BRINP1: variants seen among roughly 807,000 people sequenced by gnomAD.
The protein encoded by BRINP1 is BMP/retinoic acid inducible neural specific 1, also known as BMP/retinoic acid-inducible neural-specific protein 1.
A neutral mutation model predicts 72.9 loss-of-function variants in BRINP1; 17 were observed. That is an observed-to-expected ratio of 0.23 (90% confidence interval 0.16 to 0.35). The LOEUF (loss-of-function observed/expected upper bound fraction) is 0.35. Among genes scored for constraint, BRINP1 ranks in the 10% least tolerant of loss-of-function variants. The probability of loss-of-function intolerance (pLI) is 1.00; values close to 1 mark genes in which losing one functional copy is unlikely to be tolerated. For synonymous variants in BRINP1, 418 were observed against 378.5 expected, an observed-to-expected ratio of 1.10 and a Z score of -1.21; for missense variants, 850 against 1,001.6, an observed-to-expected ratio of 0.85 and a Z score of 2.04.
intron 5 of BRINP1, among the ~76,000 whole-genome samples, chr9:119,233,027 T>TC (rs1830162146): frequency 6.6e-6 from 1 of 151,876 alleles, no homozygotes; most frequent in Non-Finnish European, 1.5e-5. Flanking sequence ...TCTTTCTTTT[T>TC]TTTTTTCTAT....
intron 7 of BRINP1, among the ~76,000 whole-genome samples, chr9:119,184,129 A>C (rs779597378): frequency 5.3e-5 from 8 of 152,214 alleles, no homozygotes; most frequent in Non-Finnish European, 1.2e-4. Flanking sequence ...AAGGAACTGG[A>C]GATGCTTATT....
chr9:119,167,151 T>C lies in BRINP1; in HGVS notation c.2219A>G (p.His740Arg). The C allele has an allele frequency of 6.2e-7, 1 of 1,614,134 alleles. No homozygotes were observed. The highest frequency in any genetic ancestry group is 1.1e-5 in the South Asian group (1 of 91,082). ...CTCCGTGTTGTACAGGTCCAAGGCG[T>C]GGTTCACCCTGATGATCTCGCTGTT... Reference protein sequence around the residue: ...LTNSEIIRVNHALDLYNTEIL... With the variant: ...LTNSEIIRVNRALDLYNTEIL... The change falls in exon 8 of 8, where the codon CAC (histidine) becomes CGC (arginine). Residue 740 changes from histidine to arginine, a missense_variant. Coordinates refer to ENST00000265922, the MANE Select transcript of BRINP1 (RefSeq NM_014618.3). This position sits in a 1 kb window ranked among gnomAD's most constrained non-coding sequence, Gnocchi z 4.3.
chr9:119,330,544 ATTC>A (rs1483961782), intron 1 of BRINP1, among the ~76,000 whole-genome samples: 2 of 152,170 alleles, frequency 1.3e-5, no homozygotes, highest in Non-Finnish European at 2.9e-5. Context: ...GACATTGTCC[ATTC>A]TTCTTTGTGT....
At chr9:119,345,443 T>G (rs1326485510) in intron 1 of BRINP1, among the ~76,000 whole-genome samples, 2 of 152,200 alleles carry the variant, frequency 1.3e-5, no homozygotes, top group Non-Finnish European at 2.9e-5. Context: ...CACTAATTCC[T>G]CAAAGAACAT....
At chr9:119,212,984 A>T (rs2118875997) in intron 6 of BRINP1, among the ~76,000 whole-genome samples, 1 of 152,240 alleles carries the variant, frequency 6.6e-6, no homozygotes. Context: ...CCTTCTAAAT[A>T]TGTTGGCATA....
intron 1 of BRINP1, among the ~76,000 whole-genome samples, chr9:119,343,092 C>T (rs1046105998): frequency 2.0e-5 from 3 of 152,182 alleles, no homozygotes; most frequent in Admixed American, 2.0e-4. Context: ...TATAATGCTT[C>T]CATTATTATT....
At chr9:119,280,300 G>A (rs1445721124) in intron 2 of BRINP1, among the ~76,000 whole-genome samples, 1 of 151,300 alleles carries the variant, frequency 6.6e-6, no homozygotes, top group African/African-American at 2.4e-5. Flanking sequence ...GTGCAGTGGT[G>A]CGATCTCGGC....
At chr9:119,342,332 G>GA (rs1346307182) in intron 1 of BRINP1, among the ~76,000 whole-genome samples, 1 of 152,152 alleles carries the variant, frequency 6.6e-6, no homozygotes, top group Non-Finnish European at 1.5e-5. Flanking sequence ...CAGATGGATT[G>GA]AAAAGACAAT....
At chr9:119,206,284 T>C (rs1460341308) in intron 7 of BRINP1, among the ~76,000 whole-genome samples, 1 of 151,642 alleles carries the variant, frequency 6.6e-6, no homozygotes, top group Admixed American at 6.6e-5. Flanking sequence ...GGTGTGGTGG[T>C]GCACACCTGT....
intron 5 of BRINP1, among the ~76,000 whole-genome samples, chr9:119,223,330 C>T (rs1049294907): frequency 1.7e-4 from 26 of 152,022 alleles, no homozygotes; most frequent in African/African-American, 6.0e-4. Flanking sequence ...TGTCAATGAA[C>T]CTGAAAATAA....
In BRINP1 at chr9:119,167,158, C is replaced by T; in HGVS notation, c.2212G>A (p.Val738Met). Residue 738 changes from valine to methionine, a missense_variant, in exon 8 of 8, where the codon GTG (valine) becomes ATG (methionine). Physicochemically the swap from Val to Met is conservative, Grantham distance 21. Coordinates refer to ENST00000265922, the MANE Select transcript of BRINP1 (RefSeq NM_014618.3). The surrounding 1 kb of genome is among the most constrained non-coding windows in gnomAD (Gnocchi z 4.3). The part of the protein sequence containing the change: ...LKLTNSEIIR[V>M]NHALDLYNTE... Reference sequence around the variant, plus strand: ...TTGTACAGGTCCAAGGCGTGGTTCACCCTGATGATCTCGCTGTTGGTCAGT... The same window carrying T: ...TTGTACAGGTCCAAGGCGTGGTTCATCCTGATGATCTCGCTGTTGGTCAGT... 4 of 1,614,130 alleles carry T rather than the reference C, an allele frequency of 2.5e-6. No homozygotes were observed. The highest frequency in any genetic ancestry group is 4.5e-5 in the East Asian group (2 of 44,862).
chr9:119,367,219 T>TATATATATATATATATA (rs1219045184), intron 1 of BRINP1, among the ~76,000 whole-genome samples: 3 of 56,512 alleles, frequency 5.3e-5, no homozygotes, highest in South Asian at 6.0e-4. Context: ...GTGTGTGTGA[T>TATATATATATATATATA]TGATATATAT....
Position 119,167,333 on chromosome 9 carries a change from G to A in BRINP1, c.2037C>T (p.Ser679=). The A allele has an allele frequency of 1.9e-6, 3 of 1,614,150 alleles. No homozygotes were observed. The highest frequency in any genetic ancestry group is 2.5e-6 in the Non-Finnish European group (3 of 1,180,026). Residue 679 remains serine, a synonymous_variant, in exon 8 of 8, where the codon TCC becomes TCT. Transcript: ENST00000265922. The surrounding 1 kb of genome is among the most constrained non-coding windows in gnomAD (Gnocchi z 4.3). ...LRSAVQQVNQ[S]YTQGGQFYSS... is the part of the protein sequence containing the mutation. ...AATAGAACTGGCCGCCCTGTGTGTA[G>A]GACTGGTTGACCTGCTGCACTGCAC...
Position 119,255,080 on chromosome 9 carries a change from T to TA in BRINP1, c.219-5931dup, listed in dbSNP as rs200826095. ...CCCTTTCCATTGCAACATGCCACCT[T>TA]AAAAAAAATAATGTAAAAGAAAATA... On this transcript the variant is annotated intron_variant, in intron 2 of 7. Coordinates refer to ENST00000265922, the MANE Select transcript of BRINP1 (RefSeq NM_014618.3). Among the ~76,000 whole-genome samples the TA allele has an allele frequency of 6.8e-3, 1,029 of 152,078 alleles. 14 individuals carry two copies. Among genetic ancestry groups the TA allele is most frequent in the African/African-American group, 0.024 (975 of 41,478 alleles).
chr9:119,172,803 C>A (rs1829432069), intron 7 of BRINP1, among the ~76,000 whole-genome samples: 1 of 152,022 alleles, frequency 6.6e-6, no homozygotes, highest in African/African-American at 2.4e-5. Flanking sequence ...GGGCTTCATC[C>A]CTCAGATGCA....
intron 1 of BRINP1, among the ~76,000 whole-genome samples, chr9:119,367,240 A>ATATATC (rs1471272813): frequency 7.0e-6 from 1 of 142,864 alleles, no homozygotes; most frequent in African/African-American, 2.6e-5. Context: ...ATATATATAT[A>ATATATC]TATCTTCCTA....
rs763481529 is a variant in BRINP1, at chr9:119,352,609, T to C, written c.-51+16447A>G. Among the ~76,000 whole-genome samples, 68 of 152,194 alleles carry C rather than the reference T, an allele frequency of 4.5e-4. 1 individual carries two copies. Among genetic ancestry groups the C allele is most frequent in the Non-Finnish European group, 7.5e-4 (51 of 68,032 alleles). On this transcript the variant is annotated intron_variant, in intron 1 of 7. Coordinates refer to ENST00000265922, the MANE Select transcript of BRINP1 (RefSeq NM_014618.3). ...TTTTAGTAAAGATGGGGTTTCACCA[T>C]GTTGGCCAGGCTGATCTCGAACTCC...
At chr9:119,306,264 T>C (rs1171962043) in intron 2 of BRINP1, among the ~76,000 whole-genome samples, 1 of 152,222 alleles carries the variant, frequency 6.6e-6, no homozygotes, top group Non-Finnish European at 1.5e-5. Flanking sequence ...GCAATAAAGC[T>C]ATCATTTTTA....
At chr9:119,273,064 G>A (rs1588186510) in intron 2 of BRINP1, among the ~76,000 whole-genome samples, 1 of 152,058 alleles carries the variant, frequency 6.6e-6, no homozygotes, top group East Asian at 1.9e-4. Flanking sequence ...CACAGTTCTG[G>A]GTGCTGTCAT....
Sources: allele counts gnomAD v4.1 joint callset (sites outside exome capture counted in the v4.1 genomes callset), GRCh38; gene constraint gnomAD v4.1.1; non-coding constraint Gnocchi (gnomAD v3.1); transcripts MANE v1.5; gene names NCBI Gene and HGNC (gene_info 2026-07-23, HGNC 2026-07-21).